The following TBL1XR1 variants were observed in gnomAD, a reference collection of about 807,000 sequenced individuals.
TBL1XR1 encodes TBL1X/Y related 1.
TBL1XR1 carries 5 observed loss-of-function variants against 66.9 expected under a neutral mutation model. The ratio of observed to expected loss-of-function variants is 0.07; its 90% CI spans 0.04 to 0.16. The LOEUF (loss-of-function observed/expected upper bound fraction) is 0.16, where lower values mean the gene tolerates loss of function less well. Ranked by LOEUF, TBL1XR1 falls within the 10% of genes least tolerant of loss-of-function variation. TBL1XR1 has a pLI of 1.00. For missense variants in TBL1XR1, 238 were observed against 623.2 expected (o/e 0.38, Z 6.58); for synonymous variants, 210 against 206.0 (o/e 1.02, Z -0.17).
chr3:177,070,803 A>G (rs13320347), intron 2 of TBL1XR1, among the ~76,000 whole-genome samples: 54,269 of 151,550 alleles, frequency 0.36, 10,040 homozygotes, highest in East Asian at 0.5. Context: ...CTGAGATTGC[A>G]CCACTGCACT....
chr3:177,066,063 A>G (rs1010380496), intron 2 of TBL1XR1, among the ~76,000 whole-genome samples: 1 of 152,144 alleles, frequency 6.6e-6, no homozygotes, highest in South Asian at 2.1e-4. Context: ...AAAATGATAT[A>G]TTCACATCTA....
intron 1 of TBL1XR1, chr3:177,195,549 C>G (rs1007741401): frequency 6.6e-6 from 1 of 151,670 alleles, no homozygotes; most frequent in Non-Finnish European, 1.5e-5. Context: ...ACTGGAAAAC[C>G]CAAACAGTCA....
chr3:177,104,877 T>C (rs1234690429), intron 1 of TBL1XR1, among the ~76,000 whole-genome samples: 2 of 152,216 alleles, frequency 1.3e-5, no homozygotes, highest in African/African-American at 2.4e-5. Flanking sequence ...CTCTCAAGTA[T>C]TTCTAAATTT....
At chr3:177,057,158 C>T (rs1242681580) in intron 3 of TBL1XR1, among the ~76,000 whole-genome samples, 1 of 152,216 alleles carries the variant, frequency 6.6e-6, no homozygotes, top group South Asian at 2.1e-4. Flanking sequence ...TGGCAAATTA[C>T]ATCTAACATC....
chr3:177,059,691 T>TA (rs1718263996), intron 3 of TBL1XR1, among the ~76,000 whole-genome samples: 1 of 152,200 alleles, frequency 6.6e-6, no homozygotes, highest in Admixed American at 6.5e-5. Flanking sequence ...ATCCTTCTTA[T>TA]ATATCATCCT....
chr3:177,034,390 T>G, intron 12 of TBL1XR1, 65 bp from the exon 13 acceptor site: 1 of 1,197,752 alleles, frequency 8.3e-7, no homozygotes, highest in Non-Finnish European at 1.1e-6. Flanking sequence ...AAAATATTAT[T>G]TTGACACTTA....
At chr3:177,178,775 G>A (rs1734450973) in intron 1 of TBL1XR1, among the ~76,000 whole-genome samples, 1 of 152,038 alleles carries the variant, frequency 6.6e-6, no homozygotes, top group Admixed American at 6.6e-5. Flanking sequence ...ACTGGGTAGG[G>A]TATAAATATT....
At chr3:177,182,736 G>A (rs916101042) in intron 1 of TBL1XR1, among the ~76,000 whole-genome samples, 7 of 151,948 alleles carry the variant, frequency 4.6e-5, no homozygotes, top group African/African-American at 1.7e-4. Flanking sequence ...CATTGGCAAG[G>A]ATGTTAATTT....
intron 12 of TBL1XR1, among the ~76,000 whole-genome samples, chr3:177,036,994 A>G (rs115485605): frequency 0.01 from 1,551 of 152,252 alleles, 28 homozygotes; most frequent in Admixed American, 0.011. Flanking sequence ...CCAAATGAGG[A>G]ATCTGGTGTG....
At position 177,050,030 on chromosome 3, in the gene TBL1XR1, T is replaced by G. The variant is rs61750378; in HGVS notation, c.669A>C (p.Pro223=). The part of the protein sequence containing the change: ...HCIREGGQDV[P]SNKDVTSLDW... The stretch of plus-strand genomic sequence containing the variant: ...CTAGAGATGTGACATCCTTGTTGCT[T>G]GGAACATCTTGCCCTCCTTCTCGTA... The change falls in exon 7 of 16, where the codon CCA becomes CCC. Residue 223 remains proline (P), a synonymous_variant. Coordinates refer to ENST00000457928, the MANE Select transcript of TBL1XR1 (RefSeq NM_024665.7). 1.2e-6 allele frequency: 2 copies of G among 1,613,560 alleles called. No homozygotes were observed. Among genetic ancestry groups the G allele is most frequent in the Non-Finnish European group, 1.7e-6 (2 of 1,179,746 alleles).
intron 1 of TBL1XR1, among the ~76,000 whole-genome samples, chr3:177,118,397 T>A (rs1726567603): frequency 6.6e-6 from 1 of 152,168 alleles, no homozygotes; most frequent in African/African-American, 2.4e-5. Context: ...GAGGCCCTTT[T>A]CTCATCAAAG....
chr3:177,120,076 A>G (rs970575414), intron 1 of TBL1XR1, among the ~76,000 whole-genome samples: 6 of 152,214 alleles, frequency 3.9e-5, no homozygotes, highest in Admixed American at 6.5e-5. Context: ...AACAGCAAAC[A>G]TAACTATATA....
intron 12 of TBL1XR1, among the ~76,000 whole-genome samples, chr3:177,036,572 T>C (rs1161071020): frequency 1.3e-5 from 2 of 152,236 alleles, no homozygotes; most frequent in Non-Finnish European, 2.9e-5. Flanking sequence ...CATTTCCTCA[T>C]ATGTGTCACA....
intron 1 of TBL1XR1, among the ~76,000 whole-genome samples, chr3:177,141,662 G>A (rs1729645778): frequency 3.3e-5 from 5 of 152,132 alleles, no homozygotes; most frequent in Admixed American, 3.3e-4. Flanking sequence ...CCATCTGGTT[G>A]GTTCACTCAT....
At chr3:177,050,293 C>T (rs939290062) in intron 6 of TBL1XR1, among the ~76,000 whole-genome samples, 155 bp from the exon 7 acceptor site, 1 of 152,088 alleles carries the variant, frequency 6.6e-6, no homozygotes, top group Non-Finnish European at 1.5e-5. Context: ...GTTGGGACCC[C>T]CAAGCATTCT....
chr3:177,108,433 T>C (rs1725146597), intron 1 of TBL1XR1, among the ~76,000 whole-genome samples: 1 of 152,168 alleles, frequency 6.6e-6, no homozygotes, highest in African/African-American at 2.4e-5. Context: ...ACTCAGCTCT[T>C]TCACATCATA....
At chr3:177,195,600 A>C (rs1254647973) in intron 1 of TBL1XR1, 1 of 151,916 alleles carries the variant, frequency 6.6e-6, no homozygotes, top group Non-Finnish European at 1.5e-5. Context: ...TATTTATTCC[A>C]AGTTATTTCA....
At chr3:177,153,898 G>A (rs796082804) in intron 1 of TBL1XR1, among the ~76,000 whole-genome samples, 296 of 137,654 alleles carry the variant, frequency 2.2e-3, no homozygotes, top group South Asian at 0.011. Context: ...AAAAAAAAAA[G>A]TATGGAACAA....
intron 2 of TBL1XR1, among the ~76,000 whole-genome samples, chr3:177,070,463 G>T (rs957371947): frequency 6.6e-6 from 1 of 152,256 alleles, no homozygotes; most frequent in African/African-American, 2.4e-5. Flanking sequence ...TCATACTTCT[G>T]GTACATATTT....
Sources: gnomAD v4.1 joint callset for allele counts (sites outside exome capture counted in the v4.1 genomes callset) on GRCh38, gnomAD v4.1.1 for gene constraint, MANE v1.5 for transcripts, NCBI Gene and HGNC (gene_info 2026-07-23, HGNC 2026-07-21) for gene names.